TNFSF4: variants seen among roughly 807,000 people sequenced by gnomAD.
The protein encoded by TNFSF4 is TNF superfamily member 4, also known as tumor necrosis factor ligand superfamily member 4.
A neutral mutation model predicts 7.3 loss-of-function variants in TNFSF4; 4 were observed. The observed-to-expected ratio is 0.55, with a 90% confidence interval of 0.27 to 1.25. The LOEUF (loss-of-function observed/expected upper bound fraction) is 1.25, where lower values mean the gene tolerates loss of function less well. Ranked by LOEUF, TNFSF4 falls within the 50% of genes most tolerant of loss-of-function variation. TNFSF4 has a pLI of 0.12. For synonymous variants in TNFSF4, 76 were observed against 83.7 expected, an observed-to-expected ratio of 0.91 and a Z score of 0.50; for missense variants, 181 against 208.8, an observed-to-expected ratio of 0.87 and a Z score of 0.82.
chr1:173,203,715 G>A (rs1650048141), intron 1 of TNFSF4, among the ~76,000 whole-genome samples: 2 of 152,258 alleles, frequency 1.3e-5, no homozygotes, highest in South Asian at 4.1e-4. Context: ...CTGAAAAAAA[G>A]TGATAAGTAG....
chr1:173,435,081 G>A, the TNFSF4 span, among the ~76,000 whole-genome samples: 2 of 152,168 alleles, frequency 1.3e-5, no homozygotes, highest in African/African-American at 2.4e-5. Context: ...TCTCAGCTTC[G>A]TGGTCACTCA....
At chr1:173,376,929 C>A in the TNFSF4 span, among the ~76,000 whole-genome samples, 1 of 152,104 alleles carries the variant, frequency 6.6e-6, no homozygotes, top group Admixed American at 6.5e-5. Flanking sequence ...GAGGAACAAA[C>A]AACTCCGGAC....
the TNFSF4 span, among the ~76,000 whole-genome samples, chr1:173,288,686 TA>T: frequency 1.3e-5 from 2 of 151,860 alleles, no homozygotes; most frequent in African/African-American, 4.8e-5. Context: ...TCAAAATAAA[TA>T]AAAAAATTAA....
At chr1:173,370,324 T>C in the TNFSF4 span, among the ~76,000 whole-genome samples, 1 of 152,252 alleles carries the variant, frequency 6.6e-6, no homozygotes, top group South Asian at 2.1e-4. Flanking sequence ...AAGTAAATGA[T>C]ACAATGACAG....
the TNFSF4 span, among the ~76,000 whole-genome samples, chr1:173,376,555 A>T: frequency 6.6e-6 from 1 of 152,290 alleles, no homozygotes; most frequent in South Asian, 2.1e-4. Context: ...TAAACACACC[A>T]ATCAGTGCTC....
the TNFSF4 span, among the ~76,000 whole-genome samples, chr1:173,270,138 T>A: frequency 6.6e-6 from 1 of 151,988 alleles, no homozygotes; most frequent in African/African-American, 2.4e-5. Context: ...AAAAATAGAG[T>A]TGCCCTATAC....
At chr1:173,435,621 T>C in the TNFSF4 span, among the ~76,000 whole-genome samples, 1 of 152,248 alleles carries the variant, frequency 6.6e-6, no homozygotes, top group East Asian at 1.9e-4. Flanking sequence ...TCTATTTCTG[T>C]TGTTTAAAAC....
chr1:173,206,564 T>C (rs145944772), intron 1 of TNFSF4, among the ~76,000 whole-genome samples: 1 of 152,194 alleles, frequency 6.6e-6, no homozygotes, highest in Non-Finnish European at 1.5e-5. Flanking sequence ...ATTGATACCT[T>C]CAGCATTCTT....
the TNFSF4 span, among the ~76,000 whole-genome samples, chr1:173,336,807 A>T: frequency 1.3e-5 from 2 of 152,082 alleles, no homozygotes; most frequent in Non-Finnish European, 2.9e-5. Flanking sequence ...ATTTTTAGGG[A>T]TACAGTGGTA....
At chr1:173,228,109 T>G in the TNFSF4 span, among the ~76,000 whole-genome samples, 1 of 152,206 alleles carries the variant, frequency 6.6e-6, no homozygotes, top group Admixed American at 6.5e-5. Flanking sequence ...GTTTGAGATC[T>G]GAGAACAGAT....
chr1:173,343,893 T>C, the TNFSF4 span, among the ~76,000 whole-genome samples: 1 of 152,154 alleles, frequency 6.6e-6, no homozygotes, highest in Non-Finnish European at 1.5e-5. Context: ...GGAAAAGAAG[T>C]ACTGACAATG....
chr1:173,437,384 A>G, the TNFSF4 span, among the ~76,000 whole-genome samples: 2 of 152,076 alleles, frequency 1.3e-5, no homozygotes, highest in African/African-American at 4.8e-5. Context: ...TAAATAGCTT[A>G]TTATTAATTA....
At chr1:173,436,740 G>A in the TNFSF4 span, among the ~76,000 whole-genome samples, 15 of 152,140 alleles carry the variant, frequency 9.9e-5, no homozygotes, top group African/African-American at 3.6e-4. Flanking sequence ...AGGGCCTTCA[G>A]CATTTTTTTT....
the TNFSF4 span, among the ~76,000 whole-genome samples, chr1:173,274,125 A>G: frequency 1.7e-5 from 1 of 58,184 alleles, no homozygotes; most frequent in Non-Finnish European, 3.7e-5. Context: ...CCATGTTCAT[A>G]CACACACACA....
chr1:173,348,225 G>A, the TNFSF4 span, among the ~76,000 whole-genome samples: 1 of 152,108 alleles, frequency 6.6e-6, no homozygotes, highest in East Asian at 1.9e-4. Flanking sequence ...ATTGAATTAT[G>A]GGGGCAGTTT....
the TNFSF4 span, among the ~76,000 whole-genome samples, chr1:173,389,682 T>C: frequency 6.6e-5 from 10 of 152,322 alleles, no homozygotes; most frequent in South Asian, 4.1e-4. Flanking sequence ...AGAATCTCTT[T>C]TTAACTATTT....
At chr1:173,397,648 T>G in the TNFSF4 span, among the ~76,000 whole-genome samples, 1 of 152,214 alleles carries the variant, frequency 6.6e-6, no homozygotes, top group Non-Finnish European at 1.5e-5. Context: ...AGTCAGTAGC[T>G]GGCAGAACCT....
chr1:173,295,156 A>G, the TNFSF4 span, among the ~76,000 whole-genome samples: 1 of 152,008 alleles, frequency 6.6e-6, no homozygotes, highest in Admixed American at 6.6e-5. Flanking sequence ...AAAATGATAC[A>G]ACCCTTTTTT....
chr1:173,442,437 T>A, the TNFSF4 span, among the ~76,000 whole-genome samples: 4 of 152,312 alleles, frequency 2.6e-5, no homozygotes, highest in South Asian at 8.3e-4. Context: ...TTCAATCATT[T>A]GCTTCTAAAA....
Sources: allele counts gnomAD v4.1 joint callset (sites outside exome capture counted in the v4.1 genomes callset), GRCh38; gene constraint gnomAD v4.1.1; transcripts MANE v1.5; gene names NCBI Gene and HGNC (gene_info 2026-07-23, HGNC 2026-07-21).